Variants in KCNQ5 observed in about 807,000 individuals in gnomAD.
KCNQ5 encodes potassium voltage-gated channel subfamily Q member 5.
KCNQ5 carries 30 observed loss-of-function variants against 98.2 expected under a neutral mutation model. The observed-to-expected ratio is 0.31, with a 90% CI of 0.23 to 0.41. The LOEUF (loss-of-function observed/expected upper bound fraction) is 0.41, where lower values mean the gene tolerates loss of function less well. KCNQ5 is among the 10% of genes least tolerant of loss of function. KCNQ5 has a pLI of 1.00. For missense variants in KCNQ5, 835 were observed against 1,182.5 expected, an observed-to-expected ratio of 0.71 and a Z score of 4.31; for synonymous variants, 458 against 449.4, an observed-to-expected ratio of 1.02 and a Z score of -0.24.
At chr6:72,775,784 A>T (rs1773131722) in intron 1 of KCNQ5, among the ~76,000 whole-genome samples, 1 of 152,168 alleles carries the variant, frequency 6.6e-6, no homozygotes, top group Non-Finnish European at 1.5e-5. Flanking sequence ...ACATTGAGGG[A>T]CATTCCACAA....
chr6:73,052,500 C>G (rs764576626), intron 3 of KCNQ5, among the ~76,000 whole-genome samples: 2 of 152,146 alleles, frequency 1.3e-5, no homozygotes, highest in Non-Finnish European at 2.9e-5. Flanking sequence ...AAGGGGCAGG[C>G]CACCTCCCAA....
At chr6:72,899,638 G>A (rs1278309927) in intron 1 of KCNQ5, among the ~76,000 whole-genome samples, 2 of 151,822 alleles carry the variant, frequency 1.3e-5, no homozygotes, top group African/African-American at 4.8e-5. Context: ...TTTCTTTGAC[G>A]TTTTCGTCTT....
intron 1 of KCNQ5, among the ~76,000 whole-genome samples, chr6:72,778,564 A>G (rs986189642): frequency 6.6e-6 from 1 of 150,724 alleles, no homozygotes; most frequent in Non-Finnish European, 1.5e-5. Flanking sequence ...AATATACTGT[A>G]TACTTGAAAA....
chr6:72,812,405 C>T (rs1775287851), intron 1 of KCNQ5, among the ~76,000 whole-genome samples: 2 of 152,230 alleles, frequency 1.3e-5, no homozygotes, highest in South Asian at 2.1e-4. Context: ...AGTAGGTGCT[C>T]CAATCATGTT....
intron 5 of KCNQ5, among the ~76,000 whole-genome samples, chr6:73,085,057 G>A (rs1321158687): frequency 6.6e-6 from 1 of 152,146 alleles, no homozygotes; most frequent in Non-Finnish European, 1.5e-5. Flanking sequence ...GGTACTTCAA[G>A]GGCAGCTTGA....
chr6:73,121,041 C>T (rs534396731), intron 8 of KCNQ5, among the ~76,000 whole-genome samples: 1 of 152,146 alleles, frequency 6.6e-6, no homozygotes, highest in Admixed American at 6.5e-5. Context: ...CAAGCTTTTA[C>T]TTGCAGATCA....
intron 1 of KCNQ5, among the ~76,000 whole-genome samples, chr6:72,961,389 G>A (rs977450675): frequency 6.6e-6 from 1 of 152,036 alleles, no homozygotes; most frequent in African/African-American, 2.4e-5. Context: ...GGCCGAAGGC[G>A]GGCGGATCAC....
At chr6:72,951,601 T>C (rs188227266) in intron 1 of KCNQ5, among the ~76,000 whole-genome samples, 6 of 152,154 alleles carry the variant, frequency 3.9e-5, no homozygotes, top group Admixed American at 3.9e-4. Context: ...TAGCCTTCTA[T>C]TAATAATACA....
intron 1 of KCNQ5, among the ~76,000 whole-genome samples, chr6:72,745,928 G>C (rs1460924210): frequency 6.6e-6 from 1 of 151,936 alleles, no homozygotes; most frequent in Non-Finnish European, 1.5e-5. Flanking sequence ...TCATCACATG[G>C]CTTTTTGCCC....
intron 1 of KCNQ5, among the ~76,000 whole-genome samples, chr6:72,754,541 A>G (rs1020018533): frequency 2.0e-5 from 3 of 152,100 alleles, no homozygotes; most frequent in Non-Finnish European, 4.4e-5. Flanking sequence ...AGGATTTTCT[A>G]CGGGCATCTA....
intron 1 of KCNQ5, among the ~76,000 whole-genome samples, chr6:72,734,900 A>G (rs1770750272): frequency 6.6e-6 from 1 of 152,154 alleles, no homozygotes; most frequent in Non-Finnish European, 1.5e-5. Context: ...TACTTCTATG[A>G]TTCTTTATTT....
At chr6:72,697,300 A>T (rs1448634933) in intron 1 of KCNQ5, among the ~76,000 whole-genome samples, 1 of 152,126 alleles carries the variant, frequency 6.6e-6, no homozygotes, top group Non-Finnish European at 1.5e-5. Flanking sequence ...TCTGGGTACC[A>T]ATTGAACTGT....
At chr6:72,876,900 T>C (rs1418191533) in intron 1 of KCNQ5, among the ~76,000 whole-genome samples, 1 of 152,196 alleles carries the variant, frequency 6.6e-6, no homozygotes, top group Non-Finnish European at 1.5e-5. Context: ...AACCTGAGTG[T>C]ACTTTCTTAC....
At chr6:72,934,600 G>A (rs922310375) in intron 1 of KCNQ5, among the ~76,000 whole-genome samples, 1 of 152,206 alleles carries the variant, frequency 6.6e-6, no homozygotes, top group African/African-American at 2.4e-5. Context: ...TATCAGAAGT[G>A]CTTTAGATAA....
chr6:72,845,863 T>A (rs1776996985), intron 1 of KCNQ5, among the ~76,000 whole-genome samples: 1 of 152,170 alleles, frequency 6.6e-6, no homozygotes, highest in African/African-American at 2.4e-5. Flanking sequence ...TCAGTAAAAC[T>A]TTTTTGACAG....
chr6:73,072,599 C>G (rs887841933), intron 3 of KCNQ5, among the ~76,000 whole-genome samples: 12 of 152,156 alleles, frequency 7.9e-5, no homozygotes, highest in Non-Finnish European at 1.3e-4. Flanking sequence ...AATACTTGAG[C>G]AAAGTTCCAG....
intron 1 of KCNQ5, among the ~76,000 whole-genome samples, chr6:72,709,065 A>G (rs1408000473): frequency 1.3e-5 from 2 of 152,142 alleles, no homozygotes; most frequent in East Asian, 3.9e-4. Flanking sequence ...AGTTTTGTTG[A>G]ACTCCTGTCC....
chr6:72,826,560 T>C (rs1179020869), intron 1 of KCNQ5, among the ~76,000 whole-genome samples: 1 of 151,964 alleles, frequency 6.6e-6, no homozygotes, highest in South Asian at 2.1e-4. Context: ...ATCTTCTTTT[T>C]TTTAATTGTT....
chr6:72,758,434 A>G (rs1242292735), intron 1 of KCNQ5, among the ~76,000 whole-genome samples: 1 of 152,194 alleles, frequency 6.6e-6, no homozygotes, highest in East Asian at 1.9e-4. Context: ...ATTCATGTGA[A>G]AAAGCATAAA....
Sources: allele counts gnomAD v4.1 joint callset (sites outside exome capture counted in the v4.1 genomes callset), GRCh38; gene constraint gnomAD v4.1.1; transcripts MANE v1.5; gene names NCBI Gene and HGNC (gene_info 2026-07-23, HGNC 2026-07-21).